The following EPHA5 variants were observed in gnomAD, a reference collection of about 807,000 sequenced individuals.
EPHA5 encodes EPH receptor A5, also known as ephrin type-A receptor 5.
EPHA5 carries 60 observed loss-of-function variants against 105.0 expected under a neutral mutation model. The ratio of observed to expected loss-of-function variants is 0.57; its 90% CI spans 0.46 to 0.71. EPHA5 has a LOEUF of 0.71. Ranked by LOEUF, EPHA5 falls within the 30% of genes least tolerant of loss-of-function variation. The probability of loss-of-function intolerance (pLI) is 0.00; values close to 1 mark genes in which losing one functional copy is unlikely to be tolerated. For synonymous variants in EPHA5, 513 were observed against 449.1 expected, an observed-to-expected ratio of 1.14 and a Z score of -1.80; for missense variants, 1,218 against 1,274.7, an observed-to-expected ratio of 0.96 and a Z score of 0.68.
At chr4:65,521,889 G>C (rs941030770) in intron 3 of EPHA5, among the ~76,000 whole-genome samples, 1 of 152,016 alleles carries the variant, frequency 6.6e-6, no homozygotes, top group Non-Finnish European at 1.5e-5. Context: ...AGCAGCAGCT[G>C]TTCGGCCCAC....
chr4:65,466,274 A>T (rs568438758), intron 5 of EPHA5, among the ~76,000 whole-genome samples: 250 of 152,372 alleles, frequency 1.6e-3, no homozygotes, highest in African/African-American at 5.6e-3. Context: ...CTCGGCAGAC[A>T]TAAAAACAAG....
intron 7 of EPHA5, among the ~76,000 whole-genome samples, chr4:65,414,035 A>G (rs1723157260): frequency 6.6e-6 from 1 of 152,180 alleles, no homozygotes; most frequent in African/African-American, 2.4e-5. Context: ...GCAAGTTTAA[A>G]CATTTTTAAA....
At chr4:65,334,714 A>G (rs1577839650) in intron 15 of EPHA5, among the ~76,000 whole-genome samples, 1 of 152,038 alleles carries the variant, frequency 6.6e-6, no homozygotes, top group South Asian at 2.1e-4. Flanking sequence ...TATATACTGC[A>G]TACAATGAAA....
At chr4:65,403,587 ATAGTTTATTTTGTTTTATT>A (rs1467712036) in intron 8 of EPHA5, among the ~76,000 whole-genome samples, 5 of 134,278 alleles carry the variant, frequency 3.7e-5, no homozygotes, top group Admixed American at 7.0e-5. Flanking sequence ...CTTGTTTTAT[ATAGTTTATTTTGTTTTATT>A]TAGTTTATTT....
chr4:65,496,733 G>C (rs1472812735), intron 3 of EPHA5, among the ~76,000 whole-genome samples: 2 of 152,046 alleles, frequency 1.3e-5, no homozygotes, highest in African/African-American at 4.8e-5. Flanking sequence ...ACAGTCCTTT[G>C]GGTACATACC....
At chr4:65,646,952 A>T (rs1005842746) in intron 1 of EPHA5, among the ~76,000 whole-genome samples, 3 of 152,162 alleles carry the variant, frequency 2.0e-5, no homozygotes, top group African/African-American at 7.2e-5. Context: ...GACAATATGC[A>T]TGAAAAAGCA....
At chr4:65,333,633 T>TC (rs1465676063) in intron 15 of EPHA5, among the ~76,000 whole-genome samples, 1 of 140,194 alleles carries the variant, frequency 7.1e-6, no homozygotes, top group African/African-American at 2.7e-5. Flanking sequence ...TTTTTTTTTT[T>TC]CCTGACTTTA....
chr4:65,451,612 T>C (rs1298703977), intron 5 of EPHA5, among the ~76,000 whole-genome samples: 1 of 152,150 alleles, frequency 6.6e-6, no homozygotes, highest in Non-Finnish European at 1.5e-5. Context: ...TTTATCAAAG[T>C]TAGTACAGCT....
chr4:65,573,410 C>CAAAAAAAAAAAA (rs71657188), intron 3 of EPHA5: 2 of 655,944 alleles, frequency 3.0e-6, no homozygotes, highest in African/African-American at 7.3e-5. Flanking sequence ...GACTCCGTCT[C>CAAAAAAAAAAAA]AAAAAAAAAA....
intron 3 of EPHA5, among the ~76,000 whole-genome samples, chr4:65,585,120 T>TGTGTG (rs1553945713): frequency 6.7e-6 from 1 of 148,920 alleles, no homozygotes; most frequent in Non-Finnish European, 1.5e-5. Context: ...GCATGTGTGT[T>TGTGTG]TGTGTGTGTG....
At chr4:65,336,361 A>C (rs564885031) in intron 14 of EPHA5, among the ~76,000 whole-genome samples, 218 of 152,246 alleles carry the variant, frequency 1.4e-3, no homozygotes, top group African/African-American at 4.9e-3. Flanking sequence ...TAAATAAAAT[A>C]AATGGTAATC....
At chr4:65,505,982 G>A (rs556233509) in intron 3 of EPHA5, among the ~76,000 whole-genome samples, 2 of 151,956 alleles carry the variant, frequency 1.3e-5, no homozygotes, top group East Asian at 1.9e-4. Context: ...GTATATCTCC[G>A]AATGCTATCC....
At chr4:65,656,438 C>T (rs188179452) in intron 1 of EPHA5, among the ~76,000 whole-genome samples, 10 of 151,082 alleles carry the variant, frequency 6.6e-5, no homozygotes, top group East Asian at 3.9e-4. Flanking sequence ...TTTCTTGATA[C>T]GAGTTTTCCA....
At chr4:65,388,669 T>G (rs28564182) in intron 8 of EPHA5, among the ~76,000 whole-genome samples, 1 of 100,782 alleles carries the variant, frequency 9.9e-6, no homozygotes, top group African/African-American at 3.9e-5. Flanking sequence ...GGGGTTGTTT[T>G]TTTCTTGTAA....
intron 2 of EPHA5, among the ~76,000 whole-genome samples, chr4:65,633,033 G>C (rs890260329): frequency 5.3e-5 from 8 of 151,950 alleles, no homozygotes; most frequent in Admixed American, 4.6e-4. Flanking sequence ...GACAACAATG[G>C]CTAGGCTCCA....
At position 65,365,159 on chromosome 4, in the gene EPHA5, T is replaced by C. The variant is rs1281051540; in HGVS notation, c.2031A>G (p.Gly677=). Residue 677 remains glycine (G), a synonymous_variant, in exon 11 of 17, where the codon GGA becomes GGG. Coordinates refer to ENST00000613740, the MANE Select transcript of EPHA5 (RefSeq NM_001281766.3). Reference sequence around the variant, plus strand: ...TGATAGCCACAGGTAATTCTCTTTTTCCTGGTAGTTTCAAACGTCCACTAC... The same window carrying C: ...TGATAGCCACAGGTAATTCTCTTTTCCCTGGTAGTTTCAAACGTCCACTAC... ...EVCSGRLKLP[G]KRELPVAIKT... 6.2e-7 allele frequency: 1 copy of C among 1,611,230 alleles called. No individual in the cohort carries two copies. Among genetic ancestry groups the C allele is most frequent in the Non-Finnish European group, 8.5e-7 (1 of 1,178,220 alleles).
At chr4:65,650,340 G>A (rs1748485008) in intron 1 of EPHA5, among the ~76,000 whole-genome samples, 1 of 150,564 alleles carries the variant, frequency 6.6e-6, no homozygotes, top group South Asian at 2.1e-4. Context: ...GAGGTCAGGA[G>A]ATGGAGACCA....
intron 4 of EPHA5, among the ~76,000 whole-genome samples, chr4:65,493,052 T>A (rs1180409431): frequency 6.6e-6 from 1 of 151,844 alleles, no homozygotes; most frequent in Non-Finnish European, 1.5e-5. Flanking sequence ...TCTAAATCTA[T>A]AAGAATGCAT....
At chr4:65,648,460 A>G (rs1441664610) in intron 1 of EPHA5, among the ~76,000 whole-genome samples, 1 of 152,204 alleles carries the variant, frequency 6.6e-6, no homozygotes, top group African/African-American at 2.4e-5. Context: ...CAGTGGGCAA[A>G]GGCTTAAGAG....
Sources: gnomAD v4.1 joint callset for allele counts (sites outside exome capture counted in the v4.1 genomes callset) on GRCh38, gnomAD v4.1.1 for gene constraint, MANE v1.5 for transcripts, NCBI Gene and HGNC (gene_info 2026-07-23, HGNC 2026-07-21) for gene names.